DDX19A: variants seen among roughly 807,000 people sequenced by gnomAD.
DDX19A encodes ATP-dependent RNA helicase DDX19A.
DDX19A carries 12 observed loss-of-function variants against 60.6 expected under a neutral mutation model. That is an observed-to-expected ratio of 0.20 (90% confidence interval 0.13 to 0.32). The LOEUF is 0.32. DDX19A is among the 10% of genes least tolerant of loss of function. The probability of loss-of-function intolerance (pLI) is 1.00; values close to 1 mark genes in which losing one functional copy is unlikely to be tolerated. For missense variants in DDX19A, 337 were observed against 600.6 expected (o/e 0.56, Z 4.59); for synonymous variants, 206 against 218.2 (o/e 0.94, Z 0.49).
chr16:70,357,942 A>G (rs1964262096), intron 4 of DDX19A, among the ~76,000 whole-genome samples: 1 of 152,180 alleles, frequency 6.6e-6, no homozygotes, highest in South Asian at 2.1e-4. Flanking sequence ...AGCTATTACC[A>G]CTGAGAAAGA....
chr16:70,366,616 C>T lies in DDX19A; in HGVS notation c.783-8C>T. 1 of 1,614,170 alleles carries T rather than the reference C, an allele frequency of 6.2e-7. No homozygotes were observed. Among genetic ancestry groups the T allele is most frequent in the Admixed American group, 1.7e-5 (1 of 60,008 alleles). ...CCTGGGGCCATCTACCCGGGCCTTCCCTTGCAGGATGCTGCCCAGGAACTG... is the reference window on the plus strand; with the variant it reads ...CCTGGGGCCATCTACCCGGGCCTTCTCTTGCAGGATGCTGCCCAGGAACTG... On this transcript the variant is annotated splice_region_variant and splice_polypyrimidine_tract_variant and intron_variant, in intron 8 of 11. Coordinates refer to ENST00000302243, the MANE Select transcript of DDX19A (RefSeq NM_018332.5).
At position 70,366,138 on chromosome 16, in the gene DDX19A, G is replaced by A. The variant is rs150154889; in HGVS notation, c.658G>A (p.Val220Met). Residue 220 changes from valine (V) to methionine (M), a missense_variant, in exon 8 of 12, where the codon GTG becomes ATG. Val to Met is a conservative substitution (Grantham distance 21). Transcript: ENST00000302243. The stretch of plus-strand genomic sequence containing the variant: ...GATTGTCATTGGCACCCCTGGGACC[G>A]TGCTGGACTGGTGCTCCAAGCTCAA... ...EQIVIGTPGT[V>M]LDWCSKLKFI... 478 of 1,614,040 alleles carry A rather than the reference G, an allele frequency of 3.0e-4. No individual in the cohort carries two copies. The highest frequency in any genetic ancestry group is 6.3e-4 in the African/African-American group (47 of 74,908).
In DDX19A at chr16:70,350,563, A is replaced by T. The variant is rs766067366; in HGVS notation, c.64A>T (p.Asn22Tyr). Residue 22 changes from asparagine to tyrosine, a missense_variant, in exon 2 of 12, where the codon AAT becomes TAT. Physicochemically the swap from Asn to Tyr is moderately radical, Grantham distance 143. Transcript: ENST00000302243. ...TTCTTTTATTTCTATTCAGATGACCAATTTGCAGATCAAGGAAGAGAAAGT... is the reference window on the plus strand; with the variant it reads ...TTCTTTTATTTCTATTCAGATGACCTATTTGCAGATCAAGGAAGAGAAAGT... ...EQEAAVKSMTNLQIKEEKVKA... is the reference protein window; with the variant it reads ...EQEAAVKSMTYLQIKEEKVKA... 1.6e-5 allele frequency: 25 copies of T among 1,611,980 alleles called. 1 individual carries two copies. The South Asian group carries it at 2.8e-4, about 18-fold the overall frequency.
intron 5 of DDX19A, among the ~76,000 whole-genome samples, chr16:70,362,748 T>TA (rs1347977589): frequency 6.6e-6 from 1 of 151,990 alleles, no homozygotes; most frequent in South Asian, 2.1e-4. Context: ...CAGCTGACTT[T>TA]AAAAAAACTT....
Position 70,358,158 on chromosome 16 carries a change from G to A in DDX19A, c.293+1911G>A, listed in dbSNP as rs535375035. Among the ~76,000 whole-genome samples the A allele has an allele frequency of 7.2e-5, 11 of 152,124 alleles. No homozygotes were observed. The East Asian group carries it at 1.4e-3, about 19-fold the overall frequency. On this transcript the variant is annotated intron_variant, in intron 4 of 11. Transcript: ENST00000302243. ...CGATTCTCGTTCCTCAGCCTCTCAC[G>A]TAGCTGGGATTACAGGCCTGAGCCA...
rs767624577 is a variant in DDX19A at position 70,361,522 on chromosome 16, G to A, written c.386+12G>A. The A allele has an allele frequency of 6.3e-7, 1 of 1,591,250 alleles. No homozygotes were observed. The highest frequency in any genetic ancestry group is 8.6e-7 in the Non-Finnish European group (1 of 1,161,064). The stretch of plus-strand genomic sequence containing the variant: ...ATGCTTGCTGAACCGTGAGTATGCA[G>A]ATGAAGCGCATCTCACCCAGTGTGA... On this transcript the variant is annotated intron_variant, in intron 5 of 11. Coordinates refer to ENST00000302243, the MANE Select transcript of DDX19A (RefSeq NM_018332.5).
intron 4 of DDX19A, among the ~76,000 whole-genome samples, chr16:70,357,446 G>A (rs1382657687): frequency 8.3e-6 from 1 of 120,200 alleles, no homozygotes; most frequent in Non-Finnish European, 1.6e-5. Flanking sequence ...GTGCAGTGGC[G>A]TGATCTCAGC....
chr16:70,357,381 T>TTG (rs1964243620), intron 4 of DDX19A, among the ~76,000 whole-genome samples: 1 of 88,846 alleles, frequency 1.1e-5, no homozygotes, highest in Non-Finnish European at 2.2e-5. Flanking sequence ...TTTTTTTTTT[T>TTG]TTTTTTTTTT....
At chr16:70,354,433 C>T (rs904452319) in intron 2 of DDX19A, among the ~76,000 whole-genome samples, 8 of 152,186 alleles carry the variant, frequency 5.3e-5, no homozygotes, top group Non-Finnish European at 1.2e-4. Flanking sequence ...AGGCATGAGC[C>T]GCTGTGCCCA....
chr16:70,360,865 C>T (rs1053011524), intron 4 of DDX19A: 1 of 156,734 alleles, frequency 6.4e-6, no homozygotes, highest in Non-Finnish European at 1.4e-5. Context: ...GAGCCTCCCA[C>T]CTCAGCCTCT....
intron 4 of DDX19A, among the ~76,000 whole-genome samples, chr16:70,358,709 A>G (rs1964288767): frequency 1.3e-5 from 2 of 152,036 alleles, no homozygotes; most frequent in Admixed American, 6.6e-5. Context: ...AGCCGGCTGT[A>G]ATGGCACATG....
intron 6 of DDX19A, 57 bp from the exon 7 acceptor site, chr16:70,364,960 T>C: frequency 7.1e-7 from 1 of 1,398,960 alleles, no homozygotes; most frequent in South Asian, 1.2e-5. Flanking sequence ...ACTGGGTGCC[T>C]TCAGGTCTGT....
In DDX19A at chr16:70,357,366, G is replaced by GTTTTTTTTTTTTTTTTTTTTTTTTTT. The variant is rs71151183; in HGVS notation, c.293+1130_293+1155dup. 2.2e-4 allele frequency among the ~76,000 whole-genome samples: 10 copies of GTTTTTTTTTTTTTTTTTTTTTTTTTT among 44,580 alleles called. 3 individuals are homozygous for GTTTTTTTTTTTTTTTTTTTTTTTTTT. The highest frequency in any genetic ancestry group is 7.1e-4 in the African/African-American group (8 of 11,256). 29.2% of individuals were successfully genotyped at this position (44,580 alleles called of 152,430 possible). A position where few individuals can be genotyped will look rare whatever the true frequency, so the allele number is the denominator to read the frequency against. ...AATCTGTCAAATCTGTTTTTGGTTT[G>GTTTTTTTTTTTTTTTTTTTTTTTTTT]TTTTTTTTTTTTTTTTTTTTTTTTT... On this transcript the variant is annotated intron_variant, in intron 4 of 11. Transcript: ENST00000302243.
intron 11 of DDX19A, 34 bp from the exon 12 acceptor site, chr16:70,371,891 G>T (rs747648806): frequency 5.0e-6 from 8 of 1,613,852 alleles, no homozygotes; most frequent in African/African-American, 1.3e-5. Context: ...GCACATTCCT[G>T]GGCAGGGTAG....
At chr16:70,352,884 C>A (rs891093861) in intron 2 of DDX19A, among the ~76,000 whole-genome samples, 2 of 151,872 alleles carry the variant, frequency 1.3e-5, no homozygotes, top group Non-Finnish European at 2.9e-5. Context: ...GTGATCCGCC[C>A]ACCTCAGCCT....
intron 9 of DDX19A, among the ~76,000 whole-genome samples, chr16:70,368,612 A>G (rs1964590048): frequency 6.8e-6 from 1 of 147,624 alleles, no homozygotes; most frequent in Non-Finnish European, 1.5e-5. Flanking sequence ...CGGTCTCACT[A>G]TCTTGCCCAG....
intron 1 of DDX19A, 142 bp from the exon 2 acceptor site, chr16:70,350,415 A>G (rs1181945688): frequency 9.1e-6 from 5 of 549,670 alleles, no homozygotes; most frequent in East Asian, 3.1e-5. Context: ...CAGCAACTCT[A>G]CTTTGAGGGA....
intron 1 of DDX19A, chr16:70,347,304 A>T: frequency 9.6e-6 from 5 of 519,240 alleles, no homozygotes; most frequent in Admixed American, 3.4e-5. Flanking sequence ...TCCTCTATTG[A>T]CCTCCTCGGT....
rs186539733 is a variant in DDX19A, at chr16:70,367,296, C to T, written c.1020+435C>T. ...ACAAAAAATTAGCGCGGCGTGGTGG[C>T]GGGCGCTTGTAATCCCAGCTACTCG... On this transcript the variant is annotated intron_variant, in intron 9 of 11. Coordinates refer to ENST00000302243, the MANE Select transcript of DDX19A (RefSeq NM_018332.5). Among the ~76,000 whole-genome samples, 503 of 151,880 alleles carry T rather than the reference C, an allele frequency of 3.3e-3. 3 individuals carry two copies. The highest frequency in any genetic ancestry group is 0.011 in the African/African-American group (446 of 41,422).
Sources: gnomAD v4.1 joint callset for allele counts (sites outside exome capture counted in the v4.1 genomes callset) on GRCh38, gnomAD v4.1.1 for gene constraint, MANE v1.5 for transcripts, NCBI Gene and HGNC (gene_info 2026-07-23, HGNC 2026-07-21) for gene names.